Variants in ZBTB7C observed in about 807,000 individuals in gnomAD.
The protein encoded by ZBTB7C is zinc finger and BTB domain-containing protein 7C.
ZBTB7C carries 8 observed loss-of-function variants against 25.7 expected under a neutral mutation model. The ratio of observed to expected loss-of-function variants is 0.31; its 90% CI spans 0.18 to 0.56. ZBTB7C has a LOEUF of 0.56. Ranked by LOEUF, ZBTB7C falls within the 20% of genes least tolerant of loss-of-function variation. The pLI is 0.91. For synonymous variants in ZBTB7C, 394 were observed against 369.0 expected, an observed-to-expected ratio of 1.07 and a Z score of -0.78; for missense variants, 824 against 855.2, an observed-to-expected ratio of 0.96 and a Z score of 0.46.
chr18:48,361,842 C>T (rs2047113958), intron 1 of ZBTB7C, among the ~76,000 whole-genome samples: 1 of 152,194 alleles, frequency 6.6e-6, no homozygotes, highest in African/African-American at 2.4e-5. Flanking sequence ...TGGGATAAGC[C>T]AGGGAGAGGA....
At chr18:48,186,727 T>TG (rs2042065167) in intron 2 of ZBTB7C, among the ~76,000 whole-genome samples, 1 of 151,558 alleles carries the variant, frequency 6.6e-6, no homozygotes, top group African/African-American at 2.4e-5. Flanking sequence ...CAAGACAGGA[T>TG]GCCCTTTAGT....
Position 48,142,572 on chromosome 18 carries a change from C to T in ZBTB7C, c.-17+43362G>A, listed in dbSNP as rs1413785838. On this transcript the variant is annotated intron_variant, in intron 3 of 4. Transcript: ENST00000590800. The stretch of plus-strand genomic sequence containing the variant: ...GCCAGGGCCTCACCCTCCTCCCAGA[C>T]TGTATCAGGTAACACCATCAGGCAC... Among the ~76,000 whole-genome samples the T allele has an allele frequency of 2.0e-5, 3 of 152,278 alleles. No individual in the cohort carries two copies. The South Asian group carries it at 6.2e-4, about 32-fold the overall frequency.
At chr18:48,277,235 G>A (rs939268465) in intron 2 of ZBTB7C, among the ~76,000 whole-genome samples, 20 of 145,554 alleles carry the variant, frequency 1.4e-4, no homozygotes, top group Admixed American at 4.9e-4. Flanking sequence ...GAAAATTTTC[G>A]CAACCTACTC....
At chr18:48,115,098 T>C (rs2039384329) in intron 3 of ZBTB7C, among the ~76,000 whole-genome samples, 1 of 152,212 alleles carries the variant, frequency 6.6e-6, no homozygotes, top group African/African-American at 2.4e-5. Context: ...ATCCAGCCCC[T>C]GGTAACCTCT....
chr18:48,029,760 A>C lies in ZBTB7C; in HGVS notation c.1360T>G (p.Tyr454Asp). 1.2e-6 allele frequency: 2 copies of C among 1,608,414 alleles called. No individual in the cohort carries two copies. The highest frequency in any genetic ancestry group is 1.7e-6 in the Non-Finnish European group (2 of 1,179,986). The change falls in exon 5 of 5, where the codon TAC becomes GAC. Residue 454 changes from tyrosine to aspartate, a missense_variant. Around this residue, in one of 4 missense-constraint regions of ZBTB7C, gnomAD observed 342 missense variants for 307.0 expected, o/e 1.11. Transcript: ENST00000590800. Reference protein sequence around the residue: ...GVRPYQCEFCYKSFTRSDHLH... With the variant: ...GVRPYQCEFCDKSFTRSDHLH... ...TGGTCAGAGCGCGTGAAGCTCTTGT[A>C]GCAGAACTCGCACTGGTAGGGCCGC...
intron 1 of ZBTB7C, among the ~76,000 whole-genome samples, chr18:48,403,239 T>C (rs896087486): frequency 3.3e-5 from 5 of 152,230 alleles, no homozygotes; most frequent in African/African-American, 1.2e-4. Context: ...ACTCCAGTCC[T>C]GGAGGTGAGT....
intron 2 of ZBTB7C, among the ~76,000 whole-genome samples, chr18:48,202,057 G>C (rs2042463162): frequency 6.6e-6 from 1 of 152,260 alleles, no homozygotes; most frequent in African/African-American, 2.4e-5. Flanking sequence ...CACACGTGCA[G>C]GTCAGCGGAG....
At chr18:48,216,829 G>A (rs1285854814) in intron 2 of ZBTB7C, among the ~76,000 whole-genome samples, 3 of 152,028 alleles carry the variant, frequency 2.0e-5, no homozygotes, top group South Asian at 2.1e-4. Context: ...TGTCCACCCC[G>A]AATTCATGTG....
At position 48,028,642 on chromosome 18, in the gene ZBTB7C, T is replaced by A. The variant is rs1328117515; in HGVS notation, c.*618A>T. The A allele has an allele frequency of 6.6e-6, 1 of 152,432 alleles. No individual in the cohort carries two copies. Among genetic ancestry groups the A allele is most frequent in the Non-Finnish European group, 1.5e-5 (1 of 68,244 alleles). 9.4% of individuals were successfully genotyped at this position (152,432 alleles called of 1,614,324 possible). ...CAGGTGACACTGAGCTACAGAGGGCTGACCTGTCAAGGTCACAGGACAGGT... is the reference window on the plus strand; with the variant it reads ...CAGGTGACACTGAGCTACAGAGGGCAGACCTGTCAAGGTCACAGGACAGGT... On this transcript the variant is annotated 3_prime_UTR_variant, in exon 5 of 5. Transcript: ENST00000590800.
intron 3 of ZBTB7C, among the ~76,000 whole-genome samples, chr18:48,127,703 G>C (rs1381057637): frequency 6.6e-6 from 1 of 152,186 alleles, no homozygotes; most frequent in Non-Finnish European, 1.5e-5. Flanking sequence ...GTTGGCCGAC[G>C]CTCAGCTCCT....
intron 2 of ZBTB7C, among the ~76,000 whole-genome samples, chr18:48,282,615 T>C (rs902935524): frequency 1.3e-5 from 2 of 152,142 alleles, no homozygotes; most frequent in African/African-American, 4.8e-5. Flanking sequence ...AATGCCCACC[T>C]ACAATAAGAT....
chr18:48,362,406 G>A (rs186802461), intron 1 of ZBTB7C, among the ~76,000 whole-genome samples: 3 of 152,326 alleles, frequency 2.0e-5, no homozygotes, highest in African/African-American at 4.8e-5. Flanking sequence ...CACGAAGGTG[G>A]AGCTTTCATG....
At chr18:48,058,880 A>C (rs1396931213) in intron 3 of ZBTB7C, among the ~76,000 whole-genome samples, 1 of 152,216 alleles carries the variant, frequency 6.6e-6, no homozygotes, top group African/African-American at 2.4e-5. Context: ...AGAGGGACTG[A>C]GGCCTCCCAT....
At chr18:48,363,075 C>T (rs1042351883) in intron 1 of ZBTB7C, among the ~76,000 whole-genome samples, 1 of 152,168 alleles carries the variant, frequency 6.6e-6, no homozygotes, top group Non-Finnish European at 1.5e-5. Flanking sequence ...ACAGGAATGC[C>T]AGAACCTTAG....
intron 3 of ZBTB7C, among the ~76,000 whole-genome samples, chr18:48,119,081 G>T (rs1361702914): frequency 6.6e-6 from 1 of 152,024 alleles, no homozygotes; most frequent in Non-Finnish European, 1.5e-5. Flanking sequence ...AAAGATCACT[G>T]TGTCCCATCC....
At chr18:48,250,764 G>A (rs2043827262) in intron 2 of ZBTB7C, among the ~76,000 whole-genome samples, 1 of 149,960 alleles carries the variant, frequency 6.7e-6, no homozygotes, top group Non-Finnish European at 1.5e-5. Context: ...AGGATCTAAT[G>A]ATCTTGAAAC....
At chr18:48,251,378 T>C (rs1261604714) in intron 2 of ZBTB7C, among the ~76,000 whole-genome samples, 1 of 152,208 alleles carries the variant, frequency 6.6e-6, no homozygotes, top group African/African-American at 2.4e-5. Flanking sequence ...AGGACCACAC[T>C]TGTGATGCAG....
At chr18:48,112,163 A>G (rs940520722) in intron 3 of ZBTB7C, among the ~76,000 whole-genome samples, 2 of 151,970 alleles carry the variant, frequency 1.3e-5, no homozygotes, top group African/African-American at 4.8e-5. Flanking sequence ...AATGATCCCA[A>G]TTTGTTTAAT....
At chr18:48,199,573 G>A (rs2145194948) in intron 2 of ZBTB7C, among the ~76,000 whole-genome samples, 1 of 152,026 alleles carries the variant, frequency 6.6e-6, no homozygotes, top group Admixed American at 6.5e-5. Context: ...TTCCACTCCT[G>A]GGCTTGGCTC....
Sources: gnomAD v4.1 joint callset for allele counts (sites outside exome capture counted in the v4.1 genomes callset) on GRCh38, gnomAD v4.1.1 for gene constraint, gnomAD v4.1.1 regional missense constraint, MANE v1.5 for transcripts, NCBI Gene and HGNC (gene_info 2026-07-23, HGNC 2026-07-21) for gene names.